The following TDRD12 variants were observed in gnomAD, a reference collection of about 807,000 sequenced individuals.
TDRD12 encodes putative ATP-dependent RNA helicase TDRD12.
TDRD12 carries 158 observed loss-of-function variants against 133.5 expected under a neutral mutation model. The observed-to-expected ratio is 1.18, with a 90% CI of 1.04 to 1.35. The LOEUF is 1.35. Among genes scored for constraint, TDRD12 ranks in the 40% most tolerant of loss-of-function variants. The pLI, the probability that TDRD12 is intolerant of heterozygous loss-of-function variation, is 0.00. For synonymous variants in TDRD12, 460 were observed against 477.9 expected (o/e 0.96, Z 0.49); for missense variants, 1,443 against 1,321.3 (o/e 1.09, Z -1.43).
rs576842865 is a variant in TDRD12, at chr19:32,826,344, A to C, written c.883A>C (p.Arg295=). ...CTACAAGTGTCAGTATTTAAGGGAT[A>C]GAGTCGTTTTCAGGTAGGTTTATGT... The change falls in exon 8 of 10, where the codon AGA becomes CGA. Residue 295 remains arginine (R), a synonymous_variant. Coordinates refer to the TDRD12 transcript ENST00000637289. The C allele has an allele frequency of 3.8e-6, 5 of 1,327,604 alleles. No individual in the cohort carries two copies. The African/African-American group carries it at 7.3e-5, about 19-fold the overall frequency. 82.2% of individuals were successfully genotyped at this position (1,327,604 alleles called of 1,614,324 possible).
At chr19:32,790,806 G>A in intron 12 of TDRD12, 158 bp from the exon 13 acceptor site, 5 of 1,465,260 alleles carry the variant, frequency 3.4e-6, no homozygotes, top group Non-Finnish European at 4.5e-6. Context: ...CTTCCTTTTG[G>A]TAGTTTGGTG....
chr19:32,821,837 C>G (rs947595388), downstream of TDRD12, among the ~76,000 whole-genome samples: 1 of 152,200 alleles, frequency 6.6e-6, no homozygotes, highest in Non-Finnish European at 1.5e-5. Context: ...TATTGCACAG[C>G]GCCTCAGCAA....
At chr19:32,739,961 C>A (rs1279082796) in intron 3 of TDRD12, among the ~76,000 whole-genome samples, 1 of 129,848 alleles carries the variant, frequency 7.7e-6, no homozygotes. Context: ...CCTAGGTACT[C>A]TATGCATCTC....
At chr19:32,744,722 G>A (rs1454919522) in intron 4 of TDRD12, among the ~76,000 whole-genome samples, 6 of 151,936 alleles carry the variant, frequency 3.9e-5, no homozygotes, top group African/African-American at 1.2e-4. Flanking sequence ...GAGCACTACC[G>A]AGTGGCCTGA....
At chr19:32,747,020 C>T (rs1599852441) in intron 4 of TDRD12, among the ~76,000 whole-genome samples, 1 of 57,458 alleles carries the variant, frequency 1.7e-5, no homozygotes, top group Admixed American at 1.6e-4. Flanking sequence ...GGTGGTTATT[C>T]TGTGAGAGAG....
At chr19:32,793,793 C>CTT (rs766973591) in intron 13 of TDRD12, among the ~76,000 whole-genome samples, 53,195 of 115,900 alleles carry the variant, frequency 0.46, 12,979 homozygotes, top group East Asian at 0.56. Flanking sequence ...AAGCAAGAAT[C>CTT]TTTTTTTTTT....
At chr19:32,754,543 C>T (rs755365003) in intron 6 of TDRD12, among the ~76,000 whole-genome samples, 1 of 150,864 alleles carries the variant, frequency 6.6e-6, no homozygotes, top group Non-Finnish European at 1.5e-5. Flanking sequence ...GAGATCTATC[C>T]TGTAAGGACC....
intron 6 of TDRD12, among the ~76,000 whole-genome samples, chr19:32,751,933 G>A (rs1435111155): frequency 6.6e-6 from 1 of 152,056 alleles, no homozygotes; most frequent in Non-Finnish European, 1.5e-5. Flanking sequence ...GAGTGCAGTG[G>A]CGCAATCTCA....
intron 14 of TDRD12, among the ~76,000 whole-genome samples, chr19:32,795,911 G>A (rs887659760): frequency 3.3e-5 from 5 of 152,132 alleles, no homozygotes; most frequent in African/African-American, 1.2e-4. Context: ...AGCACCAAGA[G>A]GACAGTGCTA....
At chr19:32,732,482 C>G (rs925222583) in intron 2 of TDRD12, among the ~76,000 whole-genome samples, 4 of 152,204 alleles carry the variant, frequency 2.6e-5, no homozygotes, top group Non-Finnish European at 2.9e-5. Flanking sequence ...GTGTAGGGAT[C>G]TCAGCAAAGA....
intron 6 of TDRD12, among the ~76,000 whole-genome samples, chr19:32,751,648 T>C (rs940079232): frequency 6.6e-6 from 1 of 151,298 alleles, no homozygotes; most frequent in African/African-American, 2.4e-5. Flanking sequence ...GGCACAATTG[T>C]AGCTTGCTGC....
exon 19 of TDRD12, chr19:32,801,766 G>A: frequency 7.3e-7 from 1 of 1,368,486 alleles, no homozygotes; most frequent in Admixed American, 2.1e-5. Flanking sequence ...GTAGTAGAAA[G>A]CAGTTCAATA....
intron 1 of TDRD12, among the ~76,000 whole-genome samples, chr19:32,730,462 TA>T (rs1294799524): frequency 3.9e-5 from 6 of 152,160 alleles, no homozygotes; most frequent in African/African-American, 1.4e-4. Flanking sequence ...TGCCTTCAAA[TA>T]GTCATTTTTG....
chr19:32,776,384 G>A (rs1362621812), intron 10 of TDRD12, among the ~76,000 whole-genome samples: 1 of 152,218 alleles, frequency 6.6e-6, no homozygotes, highest in Non-Finnish European at 1.5e-5. Context: ...TGTTGCTGTT[G>A]CTGGGTGCAG....
chr19:32,822,361 G>A (rs1967428441), downstream of TDRD12, among the ~76,000 whole-genome samples: 1 of 152,230 alleles, frequency 6.6e-6, no homozygotes, highest in Non-Finnish European at 1.5e-5. Flanking sequence ...GAATCCAGGA[G>A]GCGGAGGTTG....
intron 22 of TDRD12, among the ~76,000 whole-genome samples, chr19:32,808,653 A>G (rs1599615277): frequency 6.6e-6 from 1 of 152,202 alleles, no homozygotes; most frequent in African/African-American, 2.4e-5. Context: ...GGGGGTTAGG[A>G]CATGGACATA....
chr19:32,741,144 G>T (rs139006340), intron 3 of TDRD12, among the ~76,000 whole-genome samples: 1 of 152,148 alleles, frequency 6.6e-6, no homozygotes, highest in African/African-American at 2.4e-5. Flanking sequence ...ATGCAGTGGC[G>T]TGATCTTGGC....
exon 10 of TDRD12, chr19:32,827,372 CTTTTTTTTTTTT>C (rs549327733): frequency 1.5e-3 from 180 of 122,408 alleles, no homozygotes; most frequent in African/African-American, 0.011. Flanking sequence ...CTTTTCTTTT[CTTTTTTTTTTTT>C]TTTTTTTTTT....
chr19:32,811,368 T>TAA lies in TDRD12; in HGVS notation c.2996_2997insAA (p.Phe999LeufsTer7). 4 of 1,536,166 alleles carry TAA rather than the reference T, an allele frequency of 2.6e-6. No homozygotes were observed. The highest frequency in any genetic ancestry group is 3.5e-6 in the Non-Finnish European group (4 of 1,146,914). On this transcript the variant is annotated frameshift_variant, in exon 24 of 28. Coordinates refer to ENST00000444215, the Ensembl canonical transcript of TDRD12. LOFTEE classifies it high-confidence loss of function. Reference sequence around the variant, plus strand: ...ACACTTCCCCCGCAGGCTGTGGAGTTTATTGTCTGTAGGGTGAAACCTGCT... The same window carrying TAA: ...ACACTTCCCCCGCAGGCTGTGGAGTTAATATTGTCTGTAGGGTGAAACCTGCT...
Sources: allele counts gnomAD v4.1 joint callset (sites outside exome capture counted in the v4.1 genomes callset), GRCh38; gene constraint gnomAD v4.1.1; transcripts MANE v1.5; gene names NCBI Gene and HGNC (gene_info 2026-07-23, HGNC 2026-07-21).